The following FASTKD5 variants were observed in gnomAD, a reference collection of about 807,000 sequenced individuals.
FASTKD5 encodes the protein non-canonical pre-mRNAs endonuclease FASTKD5, mitochondrial.
A neutral mutation model predicts 44.0 loss-of-function variants in FASTKD5; 30 were observed. The observed-to-expected ratio is 0.68, with a 90% CI of 0.51 to 0.93. FASTKD5 has a LOEUF of 0.93. Ranked by LOEUF, FASTKD5 falls within the 40% of genes least tolerant of loss-of-function variation. FASTKD5 has a pLI of 0.00. For synonymous variants in FASTKD5, 335 were observed against 342.2 expected (o/e 0.98, Z 0.23); for missense variants, 868 against 908.2 (o/e 0.96, Z 0.57).
intron 1 of FASTKD5, chr20:3,151,757 T>C (rs1296453149): frequency 1.3e-5 from 2 of 152,168 alleles, no homozygotes; most frequent in East Asian, 3.9e-4. Flanking sequence ...GTCCTCAAAA[T>C]AGTCATTAGG....
chr20:3,158,351 T>C lies in FASTKD5; in HGVS notation c.-191+1415A>G, dbSNP rs116841493. On this transcript the variant is annotated intron_variant, in intron 1 of 1. Coordinates refer to ENST00000380266, the MANE Select transcript of FASTKD5 (RefSeq NM_021826.5). ...ATTAGGGACTAAAAAAATAAACCAA[T>C]GGATGGGGAAGAAAATCATACTGAC... Among the ~76,000 whole-genome samples, 53 of 152,240 alleles carry C rather than the reference T, an allele frequency of 3.5e-4. No individual in the cohort carries two copies. In the East Asian group the frequency reaches 9.7e-3, roughly 28 times the overall value.
At chr20:3,154,737 TTGAGAA>T (rs1187389996) in intron 1 of FASTKD5, among the ~76,000 whole-genome samples, 1 of 151,732 alleles carries the variant, frequency 6.6e-6, no homozygotes, top group African/African-American at 2.4e-5. Context: ...CCCTATTCAG[TTGAGAA>T]TAATACTAAC....
At chr20:3,155,399 C>CA (rs1179526710) in intron 1 of FASTKD5, among the ~76,000 whole-genome samples, 3 of 152,086 alleles carry the variant, frequency 2.0e-5, no homozygotes, top group African/African-American at 7.2e-5. Flanking sequence ...GGCATGGTGG[C>CA]AGGCACCTGT....
rs537121215 is a variant in FASTKD5, at chr20:3,158,928, CA to C, written c.-191+837del. On this transcript the variant is annotated intron_variant, in intron 1 of 1. Transcript: ENST00000380266. Reference sequence around the variant, plus strand: ...ACGTGAATTCAGATTCCAGCAGCAACAAATGACTGGAGCACAAAACGCCAGC... The same window carrying C: ...ACGTGAATTCAGATTCCAGCAGCAACAATGACTGGAGCACAAAACGCCAGC... Among the ~76,000 whole-genome samples the C allele has an allele frequency of 2.0e-3, 297 of 152,288 alleles. 1 individual carries two copies. The highest frequency in any genetic ancestry group is 6.9e-3 in the African/African-American group (288 of 41,564).
chr20:3,155,062 AAAAAAAAAAAG>A lies in FASTKD5; in HGVS notation c.-191+4693_-191+4703del, dbSNP rs756936657. Among the ~76,000 whole-genome samples, 1,166 of 150,684 alleles carry A rather than the reference AAAAAAAAAAAG, an allele frequency of 7.7e-3. 6 individuals are homozygous for A. Among genetic ancestry groups the A allele is most frequent in the Non-Finnish European group, 0.012 (789 of 67,668 alleles). On this transcript the variant is annotated intron_variant, in intron 1 of 1. Transcript: ENST00000380266. ...AGCAAGACACAGTCTCAAAAAAAAAAAAAAAAAAAAGAAAAGAAAAGAAAAGAAAAAATAAA... is the reference window on the plus strand; with the variant it reads ...AGCAAGACACAGTCTCAAAAAAAAAAAAAAGAAAAGAAAAGAAAAAATAAA...
intron 1 of FASTKD5, among the ~76,000 whole-genome samples, chr20:3,150,049 T>C (rs1435424142): frequency 7.2e-5 from 11 of 151,868 alleles, no homozygotes; most frequent in Admixed American, 7.2e-4. Context: ...TAATTAGTTA[T>C]ACCTACGATA....
chr20:3,156,461 G>A (rs1229685562), intron 1 of FASTKD5, among the ~76,000 whole-genome samples: 1 of 152,168 alleles, frequency 6.6e-6, no homozygotes, highest in African/African-American at 2.4e-5. Context: ...ACAGGCAGGA[G>A]CCACCACGCC....
Position 3,149,378 on chromosome 20 carries a change from G to A in FASTKD5, c.-190-118C>T, listed in dbSNP as rs556315088. 2.9e-6 allele frequency: 1 copy of A among 340,494 alleles called. No homozygotes were observed. The highest frequency in any genetic ancestry group is 5.3e-6 in the Non-Finnish European group (1 of 187,026). The allele number at this position is 340,494 out of a possible 1,614,324, so 21.1% of individuals were successfully genotyped here. Reference sequence around the variant, plus strand: ...GTCTACTCAAATAAGTTCAATGCTAGTAAATGCCCAAACCACATGACAGCA... The same window carrying A: ...GTCTACTCAAATAAGTTCAATGCTAATAAATGCCCAAACCACATGACAGCA... On this transcript the variant is annotated intron_variant, in intron 1 of 1. Coordinates refer to ENST00000380266, the MANE Select transcript of FASTKD5 (RefSeq NM_021826.5). This position sits in a 1 kb window ranked among gnomAD's most constrained non-coding sequence, Gnocchi z 4.1.
Position 3,148,555 on chromosome 20 carries a change from A to G in FASTKD5, c.516T>C (p.Ser172=). The G allele has an allele frequency of 2.5e-6, 4 of 1,614,174 alleles. No individual in the cohort carries two copies. The highest frequency in any genetic ancestry group is 3.4e-6 in the Non-Finnish European group (4 of 1,180,046). ...AGACAGGATGCTGCTCTGCAGGCAA[A>G]GAGCTCAGCTTACACAAATAATCAA... ...VIVDYLCKLS[S]LPAEQHPVLL... The change falls in exon 2 of 2, where the codon TCT becomes TCC. Residue 172 remains serine (S), a synonymous_variant. Transcript: ENST00000380266.
Position 3,149,164 on chromosome 20 carries a change from T to G in FASTKD5, c.-94A>C. 7.1e-7 allele frequency: 1 copy of G among 1,403,142 alleles called. No homozygotes were observed. The highest frequency in any genetic ancestry group is 1.4e-5 in the African/African-American group (1 of 69,544). The allele number at this position is 1,403,142 out of a possible 1,614,324, so 86.9% of individuals were successfully genotyped here. On this transcript the variant is annotated 5_prime_UTR_variant, in exon 2 of 2. Coordinates refer to ENST00000380266, the MANE Select transcript of FASTKD5 (RefSeq NM_021826.5). This position sits in a 1 kb window ranked among gnomAD's most constrained non-coding sequence, Gnocchi z 4.1. ...TGTTTATATGGTGCTTGATTAGAGCTGGACGGGGAGGTGTTCCACAAAAAC... is the reference window on the plus strand; with the variant it reads ...TGTTTATATGGTGCTTGATTAGAGCGGGACGGGGAGGTGTTCCACAAAAAC...
At chr20:3,156,332 T>C (rs995232264) in intron 1 of FASTKD5, among the ~76,000 whole-genome samples, 1 of 152,038 alleles carries the variant, frequency 6.6e-6, no homozygotes, top group Non-Finnish European at 1.5e-5. Context: ...CACGCCAACA[T>C]GCCCACCTAA....
chr20:3,149,117 C>A lies in FASTKD5; in HGVS notation c.-47G>T. The A allele has an allele frequency of 6.5e-7, 1 of 1,542,772 alleles. No individual in the cohort carries two copies. ...TTTGGCAGTCAGAATACAGTCCTCA[C>A]AGATTTGACCAGGCAATTTCTTGTT... On this transcript the variant is annotated 5_prime_UTR_variant, in exon 2 of 2. Transcript: ENST00000380266. This position sits in a 1 kb window ranked among gnomAD's most constrained non-coding sequence, Gnocchi z 4.1.
At chr20:3,151,192 C>T (rs1434491038) in intron 1 of FASTKD5, among the ~76,000 whole-genome samples, 1 of 152,162 alleles carries the variant, frequency 6.6e-6, no homozygotes, top group African/African-American at 2.4e-5. Context: ...CATCAGCCAC[C>T]ATGCCTGACC....
rs1005007454 is a variant in FASTKD5, at chr20:3,159,478, G to A, written c.-191+288C>T. Among the ~76,000 whole-genome samples, 55 of 152,206 alleles carry A rather than the reference G, an allele frequency of 3.6e-4. 1 individual carries two copies. The highest frequency in any genetic ancestry group is 1.5e-3 in the East Asian group (8 of 5,202). The stretch of plus-strand genomic sequence containing the variant: ...CTGACTACATTCTCTTAACAGCACC[G>A]TGAGACAAGTACTGTTACGATCTCC... On this transcript the variant is annotated intron_variant, in intron 1 of 1. Transcript: ENST00000380266.
At chr20:3,155,114 G>C (rs1028861740) in intron 1 of FASTKD5, among the ~76,000 whole-genome samples, 3 of 151,884 alleles carry the variant, frequency 2.0e-5, no homozygotes, top group East Asian at 3.9e-4. Context: ...TGATGGCCAG[G>C]ATCAGTGAGT....
In FASTKD5 at chr20:3,146,717, G is replaced by A; in HGVS notation, c.*59C>T. On this transcript the variant is annotated 3_prime_UTR_variant, in exon 2 of 2. Coordinates refer to ENST00000380266, the MANE Select transcript of FASTKD5 (RefSeq NM_021826.5). Reference sequence around the variant, plus strand: ...ACATTCTGGCTTTTATAATCATTTTGCAACACCTGGTACAGTATACACCTA... The same window carrying A: ...ACATTCTGGCTTTTATAATCATTTTACAACACCTGGTACAGTATACACCTA... 1 of 1,518,556 alleles carries A rather than the reference G, an allele frequency of 6.6e-7. No individual in the cohort carries two copies. The highest frequency in any genetic ancestry group is 8.8e-7 in the Non-Finnish European group (1 of 1,132,094). 94.1% of individuals were successfully genotyped at this position (1,518,556 alleles called of 1,614,324 possible).
chr20:3,150,366 C>T (rs1023109588), intron 1 of FASTKD5, among the ~76,000 whole-genome samples: 3 of 152,200 alleles, frequency 2.0e-5, no homozygotes, highest in Non-Finnish European at 2.9e-5. Flanking sequence ...AACTGCCCCG[C>T]TGACATCTTC....
In FASTKD5 at chr20:3,148,908, T is replaced by C. The variant is rs1327526118; in HGVS notation, c.163A>G (p.Lys55Glu). ...AAGGTGCTACATATGTTCTTAACTT[T>C]TTTGGCAGAATGGCAGAGGCTAATG... The part of the protein sequence containing the change: ...EHISLCHSAK[K>E]VKNICSTFSS... The change falls in exon 2 of 2, where the codon AAA becomes GAA. Residue 55 changes from lysine to glutamate, a missense_variant. Transcript: ENST00000380266. 1 of 1,614,168 alleles carries C rather than the reference T, an allele frequency of 6.2e-7. No individual in the cohort carries two copies. Among genetic ancestry groups the C allele is most frequent in the East Asian group, 2.2e-5 (1 of 44,886 alleles).
In FASTKD5 at chr20:3,146,744, A is replaced by G. The variant is rs2066566701; in HGVS notation, c.*32T>C. 1.3e-6 allele frequency: 2 copies of G among 1,595,092 alleles called. No individual in the cohort carries two copies. The highest frequency in any genetic ancestry group is 1.1e-5 in the South Asian group (1 of 86,962). On this transcript the variant is annotated 3_prime_UTR_variant, in exon 2 of 2. Transcript: ENST00000380266. ...AACACCTGGTACAGTATACACCTAT[A>G]GCTTTGCCATAGAAATGCCCCTAAA...
Sources: allele counts gnomAD v4.1 joint callset (sites outside exome capture counted in the v4.1 genomes callset), GRCh38; gene constraint gnomAD v4.1.1; non-coding constraint Gnocchi (gnomAD v3.1); transcripts MANE v1.5; gene names NCBI Gene and HGNC (gene_info 2026-07-23, HGNC 2026-07-21).